The following PROS1 variants were observed in gnomAD, a reference collection of about 807,000 sequenced individuals.
PROS1 encodes protein S, also known as vitamin K-dependent protein S.
PROS1 carries 29 observed loss-of-function variants against 75.9 expected under a neutral mutation model. The observed-to-expected ratio is 0.38, with a 90% confidence interval of 0.28 to 0.52. The LOEUF is 0.52. Among genes scored for constraint, PROS1 ranks in the 20% least tolerant of loss-of-function variants. The probability of loss-of-function intolerance (pLI) is 0.83; values close to 1 mark genes in which losing one functional copy is unlikely to be tolerated. For synonymous variants in PROS1, 245 were observed against 280.6 expected (o/e 0.87, Z 1.27); for missense variants, 680 against 810.3 (o/e 0.84, Z 1.95).
At chr3:93,904,585 C>G (rs984038879) in intron 6 of PROS1, among the ~76,000 whole-genome samples, 14 of 151,782 alleles carry the variant, frequency 9.2e-5, no homozygotes, top group Non-Finnish European at 1.9e-4. Flanking sequence ...AAGAGTCGAA[C>G]AAGAAATTCA....
At chr3:93,886,899 G>A (rs1260608367) in intron 10 of PROS1, among the ~76,000 whole-genome samples, 2 of 149,912 alleles carry the variant, frequency 1.3e-5, no homozygotes, top group Non-Finnish European at 3.0e-5. Context: ...AATCAATAGT[G>A]TAAATAAGTT....
chr3:93,918,563 A>C (rs1198294425), intron 3 of PROS1, among the ~76,000 whole-genome samples: 1 of 152,146 alleles, frequency 6.6e-6, no homozygotes, highest in African/African-American at 2.4e-5. Context: ...ATCAGAAGGA[A>C]CAAACTCCTG....
At chr3:93,922,671 T>A (rs1284311483) in intron 3 of PROS1, among the ~76,000 whole-genome samples, 1 of 152,132 alleles carries the variant, frequency 6.6e-6, no homozygotes, top group Non-Finnish European at 1.5e-5. Flanking sequence ...ACTGTTAGAT[T>A]TACCAGAGAA....
chr3:93,889,411 C>T (rs182839001), intron 10 of PROS1, among the ~76,000 whole-genome samples: 16 of 152,180 alleles, frequency 1.1e-4, no homozygotes, highest in Admixed American at 1.0e-3. Context: ...GATACATTTA[C>T]AATTAAAATT....
At chr3:93,897,973 T>A (rs1475566935) in intron 8 of PROS1, among the ~76,000 whole-genome samples, 1 of 152,054 alleles carries the variant, frequency 6.6e-6, no homozygotes, top group Non-Finnish European at 1.5e-5. Flanking sequence ...GTTAAAAGGG[T>A]ACATTAAAAC....
intron 1 of PROS1, among the ~76,000 whole-genome samples, chr3:93,970,467 C>T (rs2107273939): frequency 6.6e-6 from 1 of 152,204 alleles, no homozygotes; most frequent in Middle Eastern, 3.4e-3. Flanking sequence ...CCCTGAGTAG[C>T]TGGGCCTACA....
At chr3:93,946,012 A>G (rs1336268224) in intron 1 of PROS1, among the ~76,000 whole-genome samples, 3 of 152,114 alleles carry the variant, frequency 2.0e-5, no homozygotes, top group East Asian at 1.9e-4. Context: ...CTATATACCA[A>G]TAACAGACAG....
At chr3:93,906,670 A>AG (rs1165773127) in intron 4 of PROS1, among the ~76,000 whole-genome samples, 4 of 152,194 alleles carry the variant, frequency 2.6e-5, no homozygotes, top group African/African-American at 9.6e-5. Context: ...CCCTGAGTGC[A>AG]GCTGCAGCTG....
intron 7 of PROS1, among the ~76,000 whole-genome samples, chr3:93,899,488 T>C (rs143727491): frequency 1.6e-3 from 241 of 152,268 alleles, no homozygotes; most frequent in Middle Eastern, 6.8e-3. Flanking sequence ...TTTTAAAAAA[T>C]ATGTCATTCA....
intron 3 of PROS1, among the ~76,000 whole-genome samples, chr3:93,919,887 A>G (rs1363268962): frequency 2.6e-5 from 4 of 152,194 alleles, no homozygotes; most frequent in Non-Finnish European, 5.9e-5. Context: ...AGGTTGTCAT[A>G]GATATGAGCC....
chr3:93,944,794 A>C (rs1576208435), intron 1 of PROS1, among the ~76,000 whole-genome samples: 1 of 152,296 alleles, frequency 6.6e-6, no homozygotes, highest in East Asian at 1.9e-4. Context: ...GAAGGCAAGA[A>C]ATAACTAAGA....
In PROS1 at chr3:93,947,546, C is replaced by T. The variant is rs185164270; in HGVS notation, c.77-20139G>A. Among the ~76,000 whole-genome samples, 27 of 151,928 alleles carry T rather than the reference C, an allele frequency of 1.8e-4. No individual in the cohort carries two copies. The East Asian group carries it at 2.3e-3, about 13-fold the overall frequency. ...TCTCACTTAAAGTTTGGGAGAAAGC[C>T]GATAAAGCAACTAGAAAGAGTTATT... On this transcript the variant is annotated intron_variant, in intron 1 of 14. Coordinates refer to ENST00000394236, the MANE Select transcript of PROS1 (RefSeq NM_000313.4).
At chr3:93,901,174 G>GA (rs1708588029) in intron 6 of PROS1, among the ~76,000 whole-genome samples, 1 of 152,144 alleles carries the variant, frequency 6.6e-6, no homozygotes, top group South Asian at 2.1e-4. Context: ...TGTTAAGAAG[G>GA]AGAAAGCTTT....
At chr3:93,879,124 A>C (rs1708238152) in intron 13 of PROS1, 39 bp downstream of exon 13, 1 of 1,579,986 alleles carries the variant, frequency 6.3e-7, no homozygotes. Flanking sequence ...AAAAAATGAA[A>C]AGAAAAACAA....
At chr3:93,909,628 A>C (rs1708730226) in intron 4 of PROS1, among the ~76,000 whole-genome samples, 1 of 152,040 alleles carries the variant, frequency 6.6e-6, no homozygotes, top group South Asian at 2.1e-4. Flanking sequence ...CAGCCTCTAA[A>C]CTTCCCAGTC....
chr3:93,889,618 G>A (rs374392063), intron 10 of PROS1, among the ~76,000 whole-genome samples: 27 of 152,222 alleles, frequency 1.8e-4, no homozygotes, highest in East Asian at 7.7e-4. Context: ...CTATTGTTGC[G>A]GGAAGTCAGG....
At chr3:93,928,395 C>A (rs574941112) in intron 1 of PROS1, among the ~76,000 whole-genome samples, 17 of 150,986 alleles carry the variant, frequency 1.1e-4, no homozygotes, top group Non-Finnish European at 2.4e-4. Flanking sequence ...TTAGCCAGGC[C>A]TGGTGGAACA....
intron 1 of PROS1, among the ~76,000 whole-genome samples, chr3:93,970,914 C>T (rs904504287): frequency 6.6e-6 from 1 of 152,066 alleles, no homozygotes; most frequent in Non-Finnish European, 1.5e-5. Flanking sequence ...GGGAGGATTC[C>T]TTGAGGCCAG....
intron 1 of PROS1, among the ~76,000 whole-genome samples, chr3:93,927,815 C>A (rs1436091977): frequency 7.2e-6 from 1 of 139,104 alleles, no homozygotes; most frequent in Non-Finnish European, 1.5e-5. Flanking sequence ...CCAGCCTGGG[C>A]AAAATAGTGA....
Sources: allele counts gnomAD v4.1 joint callset (sites outside exome capture counted in the v4.1 genomes callset), GRCh38; gene constraint gnomAD v4.1.1; transcripts MANE v1.5; gene names NCBI Gene and HGNC (gene_info 2026-07-23, HGNC 2026-07-21).